Variants in TLR2 observed in about 807,000 individuals in gnomAD.
TLR2 encodes the protein toll like receptor 2, also known as toll-like receptor 2.
TLR2 carries 7 observed loss-of-function variants against 9.1 expected under a neutral mutation model. The ratio of observed to expected loss-of-function variants is 0.77; its 90% CI spans 0.44 to 1.44. The LOEUF is 1.44. Ranked by LOEUF, TLR2 falls within the 40% of genes most tolerant of loss-of-function variation. The pLI is 0.01. For missense variants in TLR2, 812 were observed against 904.6 expected, an observed-to-expected ratio of 0.90 and a Z score of 1.31; for synonymous variants, 317 against 344.6, an observed-to-expected ratio of 0.92 and a Z score of 0.89.
chr4:153,690,962 C>T (rs181526707), intron 2 of TLR2, among the ~76,000 whole-genome samples: 31 of 152,286 alleles, frequency 2.0e-4, no homozygotes, highest in African/African-American at 6.7e-4. Context: ...TGTATGAAGT[C>T]ATAACTGAGC....
At chr4:153,697,507 C>G (rs1212687994) in intron 2 of TLR2, among the ~76,000 whole-genome samples, 2 of 152,100 alleles carry the variant, frequency 1.3e-5, no homozygotes, top group Non-Finnish European at 2.9e-5. Context: ...ACCAATCACT[C>G]TAGTTAAATG....
At chr4:153,710,250 A>G (rs907527636), downstream of TLR2, 3 of 763,746 alleles carry the variant, frequency 3.9e-6, no homozygotes, top group African/African-American at 5.2e-5. Context: ...ATTGCTTGAC[A>G]ACAAAGTTTA....
chr4:153,701,749 G>T (rs1413626428), intron 2 of TLR2: 1 of 148,006 alleles, frequency 6.8e-6, no homozygotes, highest in Non-Finnish European at 1.5e-5. Context: ...GAATAAATAT[G>T]CATGGTATGA....
chr4:153,701,826 G>A (rs1201542357), intron 2 of TLR2: 1 of 150,898 alleles, frequency 6.6e-6, no homozygotes, highest in African/African-American at 2.4e-5. Flanking sequence ...CAAAAATTCT[G>A]GCTTCAACAG....
intron 2 of TLR2, among the ~76,000 whole-genome samples, chr4:153,698,925 C>G (rs1028280298): frequency 1.3e-5 from 2 of 152,070 alleles, no homozygotes; most frequent in African/African-American, 4.8e-5. Context: ...CTTTTTGAGT[C>G]ACATATTCAG....
chr4:153,710,512 G>C (rs1435552098), downstream of TLR2: 5 of 1,606,110 alleles, frequency 3.1e-6, no homozygotes, highest in Non-Finnish European at 4.3e-6. Flanking sequence ...TAAGGAGGTT[G>C]TTCTATATAC....
intron 2 of TLR2, chr4:153,701,728 AAG>A (rs1736904106): frequency 6.6e-6 from 1 of 152,062 alleles, no homozygotes; most frequent in Non-Finnish European, 1.5e-5. Context: ...GGAAAAAAAA[AAG>A]AAAATCCAGA....
chr4:153,706,509 C>T (rs1047950279), downstream of TLR2, among the ~76,000 whole-genome samples: 1 of 152,178 alleles, frequency 6.6e-6, no homozygotes, highest in Non-Finnish European at 1.5e-5. Flanking sequence ...AGAGTTTCCT[C>T]ATAATGACTC....
rs1737317786 is a variant in TLR2 at position 153,706,124 on chromosome 4, C to T, written c.*862C>T. ...GGGTGTATTTTCATGTGATCTGGAT[C>T]TGTCTTTCTGGCTATTAGATAGGTT... On this transcript the variant is annotated 3_prime_UTR_variant, in exon 3 of 3. Transcript: ENST00000642700. Among the ~76,000 whole-genome samples the T allele has an allele frequency of 6.6e-6, 1 of 152,238 alleles. No individual in the cohort carries two copies. The highest frequency in any genetic ancestry group is 2.1e-4 in the South Asian group (1 of 4,836).
downstream of TLR2, among the ~76,000 whole-genome samples, chr4:153,709,375 G>A (rs1202030556): frequency 6.6e-6 from 1 of 152,178 alleles, no homozygotes; most frequent in Non-Finnish European, 1.5e-5. Context: ...ATACAGTGTT[G>A]ACTATTTTAA....
At position 153,704,941 on chromosome 4, in the gene TLR2, C is replaced by G. The variant is rs567696112; in HGVS notation, c.2034C>G (p.Asp678Glu). The G allele has an allele frequency of 1.9e-6, 3 of 1,613,040 alleles. No individual in the cohort carries two copies. Among genetic ancestry groups the G allele is most frequent in the Admixed American group, 3.3e-5 (2 of 60,018 alleles). ...PPFKLCLHKR[D>E]FIPGKWIIDN... is the part of the protein sequence containing the mutation. ...TCAAGTTGTGTCTTCATAAGCGGGA[C>G]TTCATTCCTGGCAAGTGGATCATTG... Residue 678 changes from aspartate to glutamate, a missense_variant, in exon 3 of 3, where the codon GAC becomes GAG. Asp to Glu is a conservative substitution (Grantham distance 45). Transcript: ENST00000642700.
At chr4:153,708,417 C>T (rs1737399631), downstream of TLR2, among the ~76,000 whole-genome samples, 2 of 152,160 alleles carry the variant, frequency 1.3e-5, no homozygotes, top group South Asian at 4.1e-4. Flanking sequence ...TGTTTTATCT[C>T]CCTACCCCTT....
At chr4:153,684,607 GT>G (rs1266457597) in intron 1 of TLR2, among the ~76,000 whole-genome samples, 1 of 152,234 alleles carries the variant, frequency 6.6e-6, no homozygotes, top group African/African-American at 2.4e-5. Context: ...GCCGGCTCAG[GT>G]CGGCCCTCGG....
At chr4:153,700,103 G>C (rs1293393682) in intron 2 of TLR2, among the ~76,000 whole-genome samples, 3 of 152,086 alleles carry the variant, frequency 2.0e-5, no homozygotes, top group African/African-American at 7.2e-5. Flanking sequence ...CAAGAGTGAA[G>C]GGGGAGGTCC....
intron 2 of TLR2, among the ~76,000 whole-genome samples, chr4:153,695,657 G>C (rs1429013821): frequency 6.6e-6 from 1 of 152,120 alleles, no homozygotes; most frequent in East Asian, 1.9e-4. Flanking sequence ...TATTTAATTT[G>C]CTATGCAGAA....
intron 2 of TLR2, among the ~76,000 whole-genome samples, chr4:153,696,452 T>C (rs1039164981): frequency 2.6e-5 from 4 of 152,194 alleles, no homozygotes; most frequent in Non-Finnish European, 5.9e-5. Context: ...GGTATTTTAT[T>C]TGTAGCTGTT....
In TLR2 at chr4:153,704,746, T is replaced by C. The variant is rs1737210400; in HGVS notation, c.1839T>C (p.His613=). 1 of 1,613,936 alleles carries C rather than the reference T, an allele frequency of 6.2e-7. No homozygotes were observed. Among genetic ancestry groups the C allele is most frequent in the Non-Finnish European group, 8.5e-7 (1 of 1,179,968 alleles). ...CGGGGGTCCTGTGCCACCGTTTCCATGGCCTGTGGTATATGAAAATGATGT... is the reference window on the plus strand; with the variant it reads ...CGGGGGTCCTGTGCCACCGTTTCCACGGCCTGTGGTATATGAAAATGATGT... ...LLTGVLCHRF[H]GLWYMKMMWA... Residue 613 remains histidine (H), a synonymous_variant, in exon 3 of 3, where the codon CAT becomes CAC. Transcript: ENST00000642700.
intron 2 of TLR2, among the ~76,000 whole-genome samples, chr4:153,694,757 A>G (rs960556697): frequency 6.6e-5 from 10 of 152,206 alleles, no homozygotes; most frequent in African/African-American, 2.4e-4. Flanking sequence ...CTATCAAAGA[A>G]TAAATCTTAT....
chr4:153,684,648 C>G (rs1384100618), intron 1 of TLR2, among the ~76,000 whole-genome samples: 1 of 152,214 alleles, frequency 6.6e-6, no homozygotes, highest in African/African-American at 2.4e-5. Flanking sequence ...GAAAGGGAGC[C>G]CGAGGGTCCT....
Sources: gnomAD v4.1 joint callset for allele counts (sites outside exome capture counted in the v4.1 genomes callset) on GRCh38, gnomAD v4.1.1 for gene constraint, MANE v1.5 for transcripts, NCBI Gene and HGNC (gene_info 2026-07-23, HGNC 2026-07-21) for gene names.